The following KLF12 variants were observed in gnomAD, a reference collection of about 807,000 sequenced individuals.
The protein encoded by KLF12 is Krueppel-like factor 12.
In KLF12, 9 loss-of-function variants were observed where a neutral mutation model predicts 37.8. That is an observed-to-expected ratio of 0.24 (90% CI 0.14 to 0.42). The LOEUF is 0.42. Among genes scored for constraint, KLF12 ranks in the 10% least tolerant of loss-of-function variants. The pLI, the probability that KLF12 is intolerant of heterozygous loss-of-function variation, is 1.00. For missense variants in KLF12, 411 were observed against 516.0 expected, an observed-to-expected ratio of 0.80 and a Z score of 1.97; for synonymous variants, 208 against 202.1, an observed-to-expected ratio of 1.03 and a Z score of -0.25.
intron 2 of KLF12, among the ~76,000 whole-genome samples, chr13:73,991,891 C>T (rs1891980278): frequency 6.6e-6 from 1 of 152,198 alleles, no homozygotes; most frequent in African/African-American, 2.4e-5. Context: ...AAATTTAAAG[C>T]AACCACAAGC....
At chr13:73,976,885 G>C (rs898853406) in intron 2 of KLF12, among the ~76,000 whole-genome samples, 2 of 152,022 alleles carry the variant, frequency 1.3e-5, no homozygotes, top group African/African-American at 4.8e-5. Flanking sequence ...GAAACACAAG[G>C]AGAAAGTGAC....
chr13:73,900,995 T>G (rs1422350868), intron 3 of KLF12, among the ~76,000 whole-genome samples: 1 of 152,314 alleles, frequency 6.6e-6, no homozygotes, highest in East Asian at 1.9e-4. Flanking sequence ...TAACTTAATT[T>G]CAAGACGATT....
chr13:73,916,463 GT>G (rs1321048254), intron 3 of KLF12, among the ~76,000 whole-genome samples: 2 of 152,038 alleles, frequency 1.3e-5, no homozygotes, highest in African/African-American at 4.8e-5. Flanking sequence ...TCTTCTGCAA[GT>G]ATCTACCCCA....
chr13:74,172,691 A>G, the KLF12 span, among the ~76,000 whole-genome samples: 3 of 152,144 alleles, frequency 2.0e-5, no homozygotes, highest in African/African-American at 7.2e-5. Flanking sequence ...TTTGTGTTTC[A>G]TTGGCCAGAA....
At chr13:73,941,922 A>C (rs1156863428) in intron 3 of KLF12, among the ~76,000 whole-genome samples, 1 of 152,152 alleles carries the variant, frequency 6.6e-6, no homozygotes, top group Non-Finnish European at 1.5e-5. Context: ...AGCTCCACTC[A>C]CAAGGAGGAA....
chr13:73,812,872 A>AT (rs941969906), intron 5 of KLF12: 24,793 of 241,136 alleles, frequency 0.1, 123 homozygotes, highest in Middle Eastern at 0.15. Context: ...AAAAATAACA[A>AT]TTTTTTTTTT....
chr13:73,798,734 G>T (rs1212874532), intron 5 of KLF12, among the ~76,000 whole-genome samples: 1 of 152,170 alleles, frequency 6.6e-6, no homozygotes, highest in Admixed American at 6.5e-5. Flanking sequence ...CCACCAGTCA[G>T]AATGGCAATC....
chr13:74,119,957 G>GA (rs530200983), intron 1 of KLF12, among the ~76,000 whole-genome samples: 2 of 139,966 alleles, frequency 1.4e-5, no homozygotes, highest in Admixed American at 7.1e-5. Flanking sequence ...CCAAAGAAAA[G>GA]AAAAAAAAGA....
At chr13:74,183,791 G>T in the KLF12 span, among the ~76,000 whole-genome samples, 2 of 152,018 alleles carry the variant, frequency 1.3e-5, no homozygotes, top group Non-Finnish European at 2.9e-5. Flanking sequence ...GCAAAAATTA[G>T]CTGGGCATGG....
intron 1 of KLF12, among the ~76,000 whole-genome samples, chr13:74,088,141 G>T (rs1382676491): frequency 6.6e-6 from 1 of 152,022 alleles, no homozygotes; most frequent in Non-Finnish European, 1.5e-5. Flanking sequence ...TGGTGAGCTT[G>T]GCCCAAAGAC....
rs77044896 is a variant in KLF12 at position 73,956,509 on chromosome 13, T to A, written c.34-12439A>T. On this transcript the variant is annotated intron_variant, in intron 2 of 7. Transcript: ENST00000377669. Reference sequence around the variant, plus strand: ...CTATATCCCAGTAACATCCCCTCAGTTGTAACCATCAAAAATGCCTTCAGA... The same window carrying A: ...CTATATCCCAGTAACATCCCCTCAGATGTAACCATCAAAAATGCCTTCAGA... 8.8e-3 allele frequency among the ~76,000 whole-genome samples: 1,334 copies of A among 152,322 alleles called. 30 individuals carry two copies. Among genetic ancestry groups the A allele is most frequent in the African/African-American group, 0.03 (1,227 of 41,574 alleles).
chr13:74,193,604 C>T, the KLF12 span, among the ~76,000 whole-genome samples: 1 of 152,182 alleles, frequency 6.6e-6, no homozygotes, highest in Non-Finnish European at 1.5e-5. Flanking sequence ...CCTTTTGTTC[C>T]AATTTCCTCC....
chr13:73,917,555 C>T (rs932955106), intron 3 of KLF12, among the ~76,000 whole-genome samples: 2 of 152,212 alleles, frequency 1.3e-5, no homozygotes, highest in Non-Finnish European at 2.9e-5. Context: ...CCAAGTTGGA[C>T]TCTACCATTT....
intron 3 of KLF12, among the ~76,000 whole-genome samples, chr13:73,884,774 G>A (rs1204143074): frequency 6.6e-6 from 1 of 152,182 alleles, no homozygotes; most frequent in Non-Finnish European, 1.5e-5. Flanking sequence ...AAGAGCCACA[G>A]GAGATTAGTG....
intron 5 of KLF12, among the ~76,000 whole-genome samples, chr13:73,792,804 C>T (rs564794788): frequency 6.6e-5 from 10 of 152,208 alleles, no homozygotes; most frequent in Admixed American, 6.5e-4. Context: ...ATAAAAATTT[C>T]TAATGAAAGT....
At chr13:73,925,982 C>T (rs140259766) in intron 3 of KLF12, among the ~76,000 whole-genome samples, 8 of 152,244 alleles carry the variant, frequency 5.3e-5, no homozygotes, top group African/African-American at 7.2e-5. Context: ...GATGAGGAGT[C>T]GCTTTTTCCA....
At chr13:74,051,660 C>T (rs1010532887) in intron 1 of KLF12, among the ~76,000 whole-genome samples, 7 of 151,666 alleles carry the variant, frequency 4.6e-5, no homozygotes, top group Admixed American at 2.0e-4. Context: ...CATCACACCC[C>T]GCCCCTAAAA....
chr13:73,902,744 G>T (rs1888095437), intron 3 of KLF12, among the ~76,000 whole-genome samples: 1 of 152,142 alleles, frequency 6.6e-6, no homozygotes, highest in East Asian at 1.9e-4. Context: ...AATTGTATAA[G>T]TACTAAATAT....
At chr13:73,893,187 G>A (rs76193241) in intron 3 of KLF12, among the ~76,000 whole-genome samples, 2,734 of 151,974 alleles carry the variant, frequency 0.018, 99 homozygotes, top group Admixed American at 0.088. Context: ...TCAGAGAGAG[G>A]GGCACCTTCA....
Sources: allele counts gnomAD v4.1 joint callset (sites outside exome capture counted in the v4.1 genomes callset), GRCh38; gene constraint gnomAD v4.1.1; transcripts MANE v1.5; gene names NCBI Gene and HGNC (gene_info 2026-07-23, HGNC 2026-07-21).